Variants in PTPRT observed in about 807,000 individuals in gnomAD.
PTPRT encodes the protein protein tyrosine phosphatase receptor type T.
In PTPRT, 56 loss-of-function variants were observed where a neutral mutation model predicts 176.8. The observed-to-expected ratio is 0.32, with a 90% CI of 0.26 to 0.40. The LOEUF (loss-of-function observed/expected upper bound fraction) is 0.40, where lower values mean the gene tolerates loss of function less well. Ranked by LOEUF, PTPRT falls within the 10% of genes least tolerant of loss-of-function variation. The pLI is 1.00. For synonymous variants in PTPRT, 783 were observed against 739.0 expected (o/e 1.06, Z -0.96); for missense variants, 1,540 against 1,908.2 (o/e 0.81, Z 3.60).
At chr20:42,376,353 C>G (rs908896455) in intron 9 of PTPRT, among the ~76,000 whole-genome samples, 10 of 152,208 alleles carry the variant, frequency 6.6e-5, no homozygotes, top group African/African-American at 2.4e-4. Context: ...AATACTCTCC[C>G]TGAGAGAACT....
intron 13 of PTPRT, among the ~76,000 whole-genome samples, chr20:42,268,375 T>A (rs1367594677): frequency 6.6e-6 from 1 of 152,150 alleles, no homozygotes; most frequent in Admixed American, 6.5e-5. Flanking sequence ...GAAAATATTA[T>A]CTGACTGCTC....
At chr20:43,134,432 C>A (rs1250588753) in intron 1 of PTPRT, among the ~76,000 whole-genome samples, 2 of 152,210 alleles carry the variant, frequency 1.3e-5, no homozygotes, top group Non-Finnish European at 2.9e-5. Context: ...TCCTCCATCA[C>A]CCTGGCGTGT....
At chr20:42,361,132 G>A (rs1568810068) in intron 9 of PTPRT, among the ~76,000 whole-genome samples, 1 of 152,154 alleles carries the variant, frequency 6.6e-6, no homozygotes, top group Admixed American at 6.5e-5. Context: ...GGCTGCAACT[G>A]TCAGAACACG....
At chr20:42,149,957 T>G (rs1446978264) in intron 17 of PTPRT, among the ~76,000 whole-genome samples, 1 of 152,176 alleles carries the variant, frequency 6.6e-6, no homozygotes, top group Admixed American at 6.5e-5. Flanking sequence ...AGTCACAGAC[T>G]TCTTGTGTTC....
At chr20:42,809,357 G>A (rs181244984) in intron 2 of PTPRT, among the ~76,000 whole-genome samples, 48 of 152,254 alleles carry the variant, frequency 3.2e-4, no homozygotes, top group African/African-American at 1.1e-3. Context: ...GCCAGGTGTG[G>A]CTCCCGGATC....
At chr20:43,106,533 TG>T (rs1220255292) in intron 1 of PTPRT, among the ~76,000 whole-genome samples, 6 of 151,906 alleles carry the variant, frequency 3.9e-5, no homozygotes, top group Admixed American at 6.5e-5. Context: ...GGCGGGCACC[TG>T]TAATCTCAGC....
At chr20:42,332,310 C>T (rs1224563867) in intron 11 of PTPRT, among the ~76,000 whole-genome samples, 1 of 152,064 alleles carries the variant, frequency 6.6e-6, no homozygotes, top group Non-Finnish European at 1.5e-5. Context: ...CCTGGGTTCA[C>T]GCCATTCTCC....
chr20:42,257,275 G>A (rs1478825170), intron 13 of PTPRT, among the ~76,000 whole-genome samples: 3 of 152,210 alleles, frequency 2.0e-5, no homozygotes, highest in Non-Finnish European at 2.9e-5. Flanking sequence ...ACAGCCGGGT[G>A]TGAAACTGAG....
chr20:42,109,746 C>G (rs1406009301), intron 23 of PTPRT, among the ~76,000 whole-genome samples: 2 of 152,206 alleles, frequency 1.3e-5, no homozygotes, highest in African/African-American at 4.8e-5. Flanking sequence ...CCTCTCCAGA[C>G]TGGACGAGAA....
At chr20:42,581,238 C>T (rs1159238790) in intron 7 of PTPRT, among the ~76,000 whole-genome samples, 2 of 152,168 alleles carry the variant, frequency 1.3e-5, no homozygotes, top group Admixed American at 6.5e-5. Flanking sequence ...TATATCACTT[C>T]CTCAATGAGG....
At chr20:43,031,595 T>C (rs778456609) in intron 1 of PTPRT, among the ~76,000 whole-genome samples, 1 of 152,202 alleles carries the variant, frequency 6.6e-6, no homozygotes, top group South Asian at 2.1e-4. Flanking sequence ...GACAAGAACA[T>C]GGAGGTTCAG....
intron 1 of PTPRT, among the ~76,000 whole-genome samples, chr20:43,163,824 A>T (rs114051197): frequency 6.6e-6 from 1 of 152,348 alleles, no homozygotes; most frequent in African/African-American, 2.4e-5. Flanking sequence ...CATAGAAAGA[A>T]GTGGAGAGGA....
chr20:42,634,074 T>G (rs1600514935), intron 7 of PTPRT, among the ~76,000 whole-genome samples: 1 of 42,780 alleles, frequency 2.3e-5, no homozygotes, highest in Non-Finnish European at 3.8e-5. Context: ...AATATATATA[T>G]AATATATATA....
At chr20:42,210,304 G>T (rs1165391480) in intron 15 of PTPRT, among the ~76,000 whole-genome samples, 1 of 151,862 alleles carries the variant, frequency 6.6e-6, no homozygotes, top group Admixed American at 6.6e-5. Flanking sequence ...CCAGGGCAAT[G>T]AGGCAGGAGA....
intron 9 of PTPRT, among the ~76,000 whole-genome samples, chr20:42,437,070 G>A (rs1247373341): frequency 6.6e-6 from 1 of 152,192 alleles, no homozygotes; most frequent in East Asian, 1.9e-4. Flanking sequence ...CAGGAAGATG[G>A]GATGGGGAGA....
At chr20:42,761,174 C>G (rs888422095) in intron 5 of PTPRT, among the ~76,000 whole-genome samples, 1 of 152,154 alleles carries the variant, frequency 6.6e-6, no homozygotes, top group Non-Finnish European at 1.5e-5. Context: ...GTGGCTGACG[C>G]CTGTAATCCC....
At chr20:42,704,937 G>C (rs2076029723) in intron 6 of PTPRT, among the ~76,000 whole-genome samples, 1 of 152,154 alleles carries the variant, frequency 6.6e-6, no homozygotes, top group Non-Finnish European at 1.5e-5. Flanking sequence ...CGGGCGTGGT[G>C]GCTCATACCT....
Position 42,673,723 on chromosome 20 carries a change from C to T in PTPRT, c.1153+4143G>A, listed in dbSNP as rs1231128457. 2.0e-5 allele frequency among the ~76,000 whole-genome samples: 3 copies of T among 152,088 alleles called. No individual in the cohort carries two copies. In the East Asian group the frequency reaches 5.8e-4, roughly 29 times the overall value. On this transcript the variant is annotated intron_variant, in intron 7 of 30. Coordinates refer to ENST00000373187, the MANE Select transcript of PTPRT (RefSeq NM_007050.6). Reference sequence around the variant, plus strand: ...ACATAATTAGTACCCAAATGCCCCACCTCCTAATATCATCATTTCGAGGGT... The same window carrying T: ...ACATAATTAGTACCCAAATGCCCCATCTCCTAATATCATCATTTCGAGGGT...
At chr20:42,440,528 A>C (rs1416667107) in intron 9 of PTPRT, among the ~76,000 whole-genome samples, 1 of 148,534 alleles carries the variant, frequency 6.7e-6, no homozygotes, top group Non-Finnish European at 1.5e-5. Flanking sequence ...CCCAGGCTGG[A>C]GTGAAGTGGC....
Sources: allele counts gnomAD v4.1 joint callset (sites outside exome capture counted in the v4.1 genomes callset), GRCh38; gene constraint gnomAD v4.1.1; transcripts MANE v1.5; gene names NCBI Gene and HGNC (gene_info 2026-07-23, HGNC 2026-07-21).